PKD2L2: variants seen among roughly 807,000 people sequenced by gnomAD.
PKD2L2 encodes the protein polycystin-2-like protein 2.
A neutral mutation model predicts 83.9 loss-of-function variants in PKD2L2; 67 were observed. That is an observed-to-expected ratio of 0.80 (90% CI 0.66 to 0.98). The LOEUF (loss-of-function observed/expected upper bound fraction) is 0.98. Among genes scored for constraint, PKD2L2 ranks in the 50% least tolerant of loss-of-function variants. PKD2L2 has a pLI of 0.00. For missense variants in PKD2L2, 632 were observed against 717.2 expected, an observed-to-expected ratio of 0.88 and a Z score of 1.36; for synonymous variants, 223 against 237.8, an observed-to-expected ratio of 0.94 and a Z score of 0.57.
intron 6 of PKD2L2, among the ~76,000 whole-genome samples, chr5:137,907,294 T>A: frequency 6.6e-6 from 1 of 152,246 alleles, no homozygotes; most frequent in Non-Finnish European, 1.5e-5. Context: ...AAAACTCTGA[T>A]AGCTAAAACA....
intron 12 of PKD2L2, among the ~76,000 whole-genome samples, chr5:137,929,861 A>T (rs562976553): frequency 6.6e-6 from 1 of 152,290 alleles, no homozygotes; most frequent in African/African-American, 2.4e-5. Context: ...TAAAAGCATG[A>T]TCAAAGACCT....
intron 4 of PKD2L2, among the ~76,000 whole-genome samples, chr5:137,898,000 T>C (rs1683875596): frequency 6.6e-6 from 1 of 150,782 alleles, no homozygotes; most frequent in Non-Finnish European, 1.5e-5. Context: ...AGAGTCTCAC[T>C]CTGTCACCCA....
At position 137,892,691 on chromosome 5, in the gene PKD2L2, G is replaced by T. The variant is rs1756093202; in HGVS notation, c.267+78G>T. 2.8e-6 allele frequency: 3 copies of T among 1,080,066 alleles called. No homozygotes were observed. In the African/African-American group the frequency reaches 5.0e-5, roughly 18 times the overall value. 66.9% of individuals were successfully genotyped at this position (1,080,066 alleles called of 1,614,324 possible). On this transcript the variant is annotated intron_variant, in intron 3 of 14. Transcript: ENST00000508883. Reference sequence around the variant, plus strand: ...TTGGCATACACAGTGGGCACTCAATGAATATCTTTTGAAGAAATGAATAAA... The same window carrying T: ...TTGGCATACACAGTGGGCACTCAATTAATATCTTTTGAAGAAATGAATAAA...
chr5:137,908,803 G>T lies in PKD2L2; in HGVS notation c.1185G>T (p.Gln395His). ...TAAGCTTTAACAAGACAATGTCTCA[G>T]CTGTCATCAACCTTGTCCCGTTGTG... The part of the protein sequence containing the change: ...KFISFNKTMS[Q>H]LSSTLSRCVK... The change falls in exon 8 of 15, where the codon CAG (glutamine) becomes CAT (histidine). Residue 395 changes from glutamine (Q) to histidine (H), a missense_variant. Coordinates refer to ENST00000508883, the MANE Select transcript of PKD2L2 (RefSeq NM_001300921.2). 1 of 1,585,172 alleles carries T rather than the reference G, an allele frequency of 6.3e-7. No individual in the cohort carries two copies. The highest frequency in any genetic ancestry group is 1.4e-5 in the African/African-American group (1 of 73,996).
At chr5:137,923,075 G>A (rs1470340444) in intron 9 of PKD2L2, among the ~76,000 whole-genome samples, 9 of 148,462 alleles carry the variant, frequency 6.1e-5, no homozygotes, top group Admixed American at 1.3e-4. Context: ...GCAGTGGTGC[G>A]ATCTCACTCG....
At chr5:137,903,116 T>C (rs1051348411) in intron 5 of PKD2L2, among the ~76,000 whole-genome samples, 1 of 152,228 alleles carries the variant, frequency 6.6e-6, no homozygotes, top group Non-Finnish European at 1.5e-5. Context: ...CTTGCCAATA[T>C]AGCTGCCATT....
intron 12 of PKD2L2, among the ~76,000 whole-genome samples, chr5:137,929,702 T>C (rs1291652330): frequency 6.6e-6 from 1 of 152,072 alleles, no homozygotes; most frequent in Non-Finnish European, 1.5e-5. Context: ...GCTTCAAATA[T>C]AAAGGCTCGA....
At chr5:137,923,389 T>C (rs372378255) in intron 9 of PKD2L2, 31 bp from the exon 10 acceptor site, 117 of 986,896 alleles carry the variant, frequency 1.2e-4, no homozygotes, top group Admixed American at 2.0e-4. Flanking sequence ...TAAATTTTTA[T>C]TGAAATAATT....
intron 6 of PKD2L2, among the ~76,000 whole-genome samples, chr5:137,907,279 G>C (rs1320512270): frequency 6.6e-6 from 1 of 152,148 alleles, no homozygotes; most frequent in Admixed American, 6.5e-5. Context: ...TTTCATGTCA[G>C]TTATAAAACT....
At chr5:137,926,411 C>T (rs1759381314) in intron 12 of PKD2L2, among the ~76,000 whole-genome samples, 1 of 151,922 alleles carries the variant, frequency 6.6e-6, no homozygotes, top group East Asian at 1.9e-4. Flanking sequence ...CACCACCTCT[C>T]CCCTCTAAAT....
chr5:137,924,373 C>G (rs891148497), intron 10 of PKD2L2, among the ~76,000 whole-genome samples: 18 of 152,204 alleles, frequency 1.2e-4, no homozygotes, highest in Admixed American at 7.9e-4. Context: ...TCCTCTGAGC[C>G]TCTGCTCAAG....
intron 4 of PKD2L2, among the ~76,000 whole-genome samples, chr5:137,899,136 T>C (rs1756738868): frequency 6.6e-6 from 1 of 152,192 alleles, no homozygotes; most frequent in Non-Finnish European, 1.5e-5. Context: ...GTTTTTGTTT[T>C]GAGACAAGGT....
intron 12 of PKD2L2, among the ~76,000 whole-genome samples, chr5:137,927,620 G>A (rs901891740): frequency 6.6e-6 from 1 of 152,168 alleles, no homozygotes; most frequent in African/African-American, 2.4e-5. Context: ...TATAAAAGAG[G>A]ATGTCCTTGT....
At chr5:137,908,369 C>G (rs549634447) in intron 7 of PKD2L2, among the ~76,000 whole-genome samples, 1 of 152,114 alleles carries the variant, frequency 6.6e-6, no homozygotes, top group South Asian at 2.1e-4. Context: ...GGGCGGATCA[C>G]CTGAGCTCAG....
At chr5:137,939,936 A>G (rs1424328990) in intron 14 of PKD2L2, 5 of 1,356,720 alleles carry the variant, frequency 3.7e-6, no homozygotes, top group Non-Finnish European at 4.8e-6. Context: ...ATAAAATTCC[A>G]GTCTTTTGCT....
chr5:137,928,364 CCT>C (rs1580985761), intron 12 of PKD2L2, among the ~76,000 whole-genome samples: 1 of 126,630 alleles, frequency 7.9e-6, no homozygotes, highest in East Asian at 2.3e-4. Flanking sequence ...ATGGTGAAAC[CCT>C]GTCTCTACAA....
Position 137,908,953 on chromosome 5 carries a change from T to G in PKD2L2, c.1328+7T>G. On this transcript the variant is annotated splice_region_variant and intron_variant, in intron 8 of 14. Transcript: ENST00000508883. ...CCACTTTTCAGAATTCCATGTAAGC[T>G]CTTAGTATAAATGTAATTATATCTT... 2 of 1,555,106 alleles carry G rather than the reference T, an allele frequency of 1.3e-6. No individual in the cohort carries two copies. The highest frequency in any genetic ancestry group is 1.8e-6 in the Non-Finnish European group (2 of 1,135,104).
chr5:137,892,338 G>A, intron 2 of PKD2L2, 142 bp from the exon 3 acceptor site: 1 of 418,902 alleles, frequency 2.4e-6, no homozygotes, highest in Non-Finnish European at 4.0e-6. Context: ...TATATTTCTA[G>A]TTTAGATTTT....
At chr5:137,900,147 A>G (rs1756826919) in intron 5 of PKD2L2, among the ~76,000 whole-genome samples, 1 of 152,254 alleles carries the variant, frequency 6.6e-6, no homozygotes, top group Non-Finnish European at 1.5e-5. Flanking sequence ...ACTATATCAT[A>G]ACTGCATAAA....
Sources: allele counts gnomAD v4.1 joint callset (sites outside exome capture counted in the v4.1 genomes callset), GRCh38; gene constraint gnomAD v4.1.1; transcripts MANE v1.5; gene names NCBI Gene and HGNC (gene_info 2026-07-23, HGNC 2026-07-21).